Variants in GRM7 observed in about 807,000 individuals in gnomAD.
GRM7 encodes the protein glutamate metabotropic receptor 7, also known as metabotropic glutamate receptor 7.
A neutral mutation model predicts 84.5 loss-of-function variants in GRM7; 35 were observed. The observed-to-expected ratio is 0.41, with a 90% CI of 0.32 to 0.55. The LOEUF is 0.55. GRM7 is among the 20% of genes least tolerant of loss of function. GRM7 has a pLI of 0.19. For synonymous variants in GRM7, 487 were observed against 455.1 expected (o/e 1.07, Z -0.89); for missense variants, 1,003 against 1,194.6 (o/e 0.84, Z 2.36).
At chr3:7,516,370 G>A (rs530386888) in intron 7 of GRM7, among the ~76,000 whole-genome samples, 1 of 149,260 alleles carries the variant, frequency 6.7e-6, no homozygotes, top group Non-Finnish European at 1.5e-5. Flanking sequence ...CCAGCTACTT[G>A]GGGGGCTGAG....
intron 1 of GRM7, among the ~76,000 whole-genome samples, chr3:7,140,653 T>A (rs73811614): frequency 0.058 from 8,821 of 152,110 alleles, 647 homozygotes; most frequent in African/African-American, 0.16. Context: ...AGACACTAAA[T>A]TATAATTTAT....
intron 1 of GRM7, among the ~76,000 whole-genome samples, chr3:6,962,850 T>C (rs563337752): frequency 6.6e-5 from 10 of 152,212 alleles, no homozygotes; most frequent in Non-Finnish European, 1.5e-4. Context: ...TGGAGATAAT[T>C]TTTTCTTAAA....
intron 4 of GRM7, among the ~76,000 whole-genome samples, chr3:7,312,478 G>A (rs966159896): frequency 2.0e-5 from 3 of 152,114 alleles, no homozygotes; most frequent in African/African-American, 7.2e-5. Context: ...CTGGGGCTTG[G>A]TAGGGTCGAG....
At chr3:6,952,336 C>A (rs1251623958) in intron 1 of GRM7, among the ~76,000 whole-genome samples, 1 of 151,176 alleles carries the variant, frequency 6.6e-6, no homozygotes, top group Non-Finnish European at 1.5e-5. Flanking sequence ...CGCCTATTAC[C>A]TCTAAACCTT....
chr3:7,635,276 TTG>T (rs1698042736), intron 8 of GRM7, among the ~76,000 whole-genome samples: 3 of 152,210 alleles, frequency 2.0e-5, no homozygotes, highest in Non-Finnish European at 4.4e-5. Context: ...AGATGGGACT[TTG>T]AAAAATCTCA....
At chr3:7,029,562 A>G (rs970133995) in intron 1 of GRM7, among the ~76,000 whole-genome samples, 10 of 152,168 alleles carry the variant, frequency 6.6e-5, no homozygotes, top group African/African-American at 1.9e-4. Flanking sequence ...TACAACACAA[A>G]TGAACCTTGA....
At chr3:7,076,194 T>C (rs1180525928) in intron 1 of GRM7, among the ~76,000 whole-genome samples, 1 of 152,128 alleles carries the variant, frequency 6.6e-6, no homozygotes, top group Non-Finnish European at 1.5e-5. Context: ...CTAGAGCACA[T>C]ACAAATACAC....
chr3:7,634,503 GGGC>G (rs1697990598), intron 8 of GRM7, among the ~76,000 whole-genome samples: 1 of 63,932 alleles, frequency 1.6e-5, no homozygotes, highest in Non-Finnish European at 2.6e-5. Flanking sequence ...AAAAAAAAAA[GGGC>G]TGGGCTCCAT....
intron 2 of GRM7, among the ~76,000 whole-genome samples, chr3:7,156,819 GA>G (rs1694464197): frequency 6.6e-6 from 1 of 152,026 alleles, no homozygotes; most frequent in Non-Finnish European, 1.5e-5. Context: ...TAATCAACGT[GA>G]ATTTTTTTCA....
chr3:7,663,426 G>A (rs1699548818), intron 8 of GRM7, among the ~76,000 whole-genome samples: 1 of 152,154 alleles, frequency 6.6e-6, no homozygotes, highest in Admixed American at 6.5e-5. Flanking sequence ...AATTCCCAAA[G>A]AGAGCTGTCA....
intron 1 of GRM7, among the ~76,000 whole-genome samples, chr3:6,873,922 G>A (rs4684545): frequency 0.069 from 10,580 of 152,274 alleles, 470 homozygotes; most frequent in East Asian, 0.18. Context: ...CTTCACCTAG[G>A]GGATTGAGTG....
chr3:7,632,646 T>G (rs1240840691), intron 8 of GRM7, among the ~76,000 whole-genome samples: 1 of 152,208 alleles, frequency 6.6e-6, no homozygotes, highest in Non-Finnish European at 1.5e-5. Context: ...CTTATTGTAA[T>G]GATGGGAGCA....
At chr3:7,427,670 G>C (rs1696665431) in intron 5 of GRM7, among the ~76,000 whole-genome samples, 1 of 152,148 alleles carries the variant, frequency 6.6e-6, no homozygotes, top group Non-Finnish European at 1.5e-5. Flanking sequence ...AGATGATAGT[G>C]ATCTTCAAAA....
chr3:7,482,198 GAAAACA>G (rs1012729070), intron 7 of GRM7, among the ~76,000 whole-genome samples: 4 of 151,962 alleles, frequency 2.6e-5, no homozygotes, highest in African/African-American at 9.7e-5. Flanking sequence ...AAACAAAAAC[GAAAACA>G]AAAACAAAAA....
chr3:7,577,927 A>T (rs181893615), intron 7 of GRM7, among the ~76,000 whole-genome samples: 4 of 152,330 alleles, frequency 2.6e-5, no homozygotes, highest in East Asian at 3.9e-4. Flanking sequence ...GAACATTTTT[A>T]AAAAATAAAA....
chr3:7,365,660 TATATACACACACGCACACAC>T (rs1693854751), intron 4 of GRM7, among the ~76,000 whole-genome samples: 1 of 145,428 alleles, frequency 6.9e-6, no homozygotes, highest in African/African-American at 2.5e-5. Flanking sequence ...TATATATATA[TATATACACACACGCACACAC>T]ACACACATAT....
At chr3:7,190,418 C>G (rs1295394403) in intron 2 of GRM7, among the ~76,000 whole-genome samples, 2 of 152,046 alleles carry the variant, frequency 1.3e-5, no homozygotes, top group Non-Finnish European at 2.9e-5. Flanking sequence ...GATTTCAAAA[C>G]AGATGTGTGT....
intron 5 of GRM7, among the ~76,000 whole-genome samples, chr3:7,432,360 G>T (rs1297632430): frequency 6.6e-6 from 1 of 152,112 alleles, no homozygotes; most frequent in Admixed American, 6.5e-5. Context: ...TTGCTCTGTT[G>T]CCCAGGCTGG....
chr3:7,283,017 C>T (rs548255668), intron 2 of GRM7, among the ~76,000 whole-genome samples: 35 of 152,260 alleles, frequency 2.3e-4, no homozygotes, highest in Middle Eastern at 3.4e-3. Context: ...GATGAGATTA[C>T]TCTTCTATTT....
Sources: gnomAD v4.1 joint callset for allele counts (sites outside exome capture counted in the v4.1 genomes callset) on GRCh38, gnomAD v4.1.1 for gene constraint, MANE v1.5 for transcripts, NCBI Gene and HGNC (gene_info 2026-07-23, HGNC 2026-07-21) for gene names.